Variants in SLC25A53 observed in about 807,000 individuals in gnomAD.
SLC25A53 encodes the protein mitochondrial carrier triple repeat protein 6.
SLC25A53 carries 5 observed loss-of-function variants against 15.0 expected under a neutral mutation model. The observed-to-expected ratio is 0.33, with a 90% CI of 0.17 to 0.70. The LOEUF (loss-of-function observed/expected upper bound fraction) is 0.70, where lower values mean the gene tolerates loss of function less well. SLC25A53 is among the 30% of genes least tolerant of loss of function. The pLI is 0.67. For missense variants in SLC25A53, 216 were observed against 241.6 expected, an observed-to-expected ratio of 0.89 and a Z score of 0.70; for synonymous variants, 95 against 100.0, an observed-to-expected ratio of 0.95 and a Z score of 0.30.
intron 1 of SLC25A53, among the ~76,000 whole-genome samples, chrX:104,122,311 T>G (rs1278519857): frequency 2.5e-5 from 2 of 79,886 alleles, no homozygotes; most frequent in Non-Finnish European, 5.3e-5. Context: ...TTTGTTTTTT[T>G]TTTTTGTTTT....
At chrX:104,153,260 ATAT>A (rs1262023840) in intron 1 of SLC25A53, among the ~76,000 whole-genome samples, 22 of 49,290 alleles carry the variant, frequency 4.5e-4, no homozygotes, top group African/African-American at 2.0e-3. Flanking sequence ...ATATATATAT[ATAT>A]TTTTTTTTTC....
rs2075283062 is a variant in SLC25A53, at chrX:104,102,015, G to A, written c.*2319C>T. ...TTTCCTTTCCTTATGCAGACTCTGTGTTCATACTTCCTTGAATCCACAAGT... is the reference window on the plus strand; with the variant it reads ...TTTCCTTTCCTTATGCAGACTCTGTATTCATACTTCCTTGAATCCACAAGT... On this transcript the variant is annotated 3_prime_UTR_variant, in exon 2 of 2. Transcript: ENST00000594199. 8.9e-6 allele frequency: 1 copy of A among 112,023 alleles called. No individual in the cohort carries two copies. The highest frequency in any genetic ancestry group is 3.2e-5 in the African/African-American group (1 of 30,778). The allele number at this position is 112,023 out of a possible 1,213,427, so 9.2% of individuals were successfully genotyped here. A position where few individuals can be genotyped will look rare whatever the true frequency, so the allele number is the denominator to read the frequency against.
chrX:104,118,561 A>G (rs2075384664), intron 1 of SLC25A53, among the ~76,000 whole-genome samples: 1 of 113,170 alleles, frequency 8.8e-6, no homozygotes, highest in South Asian at 3.6e-4. Context: ...CTCCCTTAAG[A>G]TAAGCATGAC....
chrX:104,128,504 G>T (rs1450991075), intron 1 of SLC25A53, among the ~76,000 whole-genome samples: 3 of 111,312 alleles, frequency 2.7e-5, no homozygotes, highest in Non-Finnish European at 3.8e-5. Flanking sequence ...TCCCATATTT[G>T]CTTCTGCATT....
chrX:104,119,872 A>T (rs946402572), intron 1 of SLC25A53, among the ~76,000 whole-genome samples: 6 of 111,856 alleles, frequency 5.4e-5, no homozygotes, highest in African/African-American at 1.6e-4. Context: ...CTCTCATGAC[A>T]GTTTTAGCTG....
Position 104,104,868 on chromosome X carries a change from C to T in SLC25A53, c.390G>A (p.Val130=). The change falls in exon 2 of 2, where the codon GTG becomes GTA. Residue 130 remains valine, a synonymous_variant. Transcript: ENST00000594199. ...AGLMSGVVEA[V]ALSPFERVQN... ...GCACCCTTTCAAAGGGGCTGAGTGC[C>T]ACGGCCTCCACCACGCCAGACATGA... The T allele has an allele frequency of 9.9e-6, 12 of 1,211,817 alleles. No homozygotes were observed. The highest frequency in any genetic ancestry group is 1.3e-5 in the Non-Finnish European group (12 of 895,570).
chrX:104,149,989 T>C (rs2075480115), intron 1 of SLC25A53, among the ~76,000 whole-genome samples: 1 of 110,635 alleles, frequency 9.0e-6, no homozygotes, highest in Non-Finnish European at 1.9e-5. Flanking sequence ...TCTCAATACT[T>C]TGGGAGTCCG....
intron 1 of SLC25A53, among the ~76,000 whole-genome samples, chrX:104,153,190 AG>A (rs1174403061): frequency 9.0e-6 from 1 of 111,225 alleles, no homozygotes; most frequent in African/African-American, 3.3e-5. Context: ...ATCCATCGTT[AG>A]GCAATTTCAT....
chrX:104,123,948 T>C (rs182797082), intron 1 of SLC25A53, among the ~76,000 whole-genome samples: 20 of 112,058 alleles, frequency 1.8e-4, no homozygotes, highest in African/African-American at 6.5e-4. Flanking sequence ...ACATTTTCTT[T>C]ATCCAGTCTA....
intron 1 of SLC25A53, among the ~76,000 whole-genome samples, chrX:104,145,449 TAACTA>T (rs1328852419): frequency 9.1e-6 from 1 of 109,309 alleles, no homozygotes; most frequent in Non-Finnish European, 1.9e-5. Flanking sequence ...AGACAAGAAA[TAACTA>T]AGATCAGAGC....
At chrX:104,127,398 G>A (rs1556364666) in intron 1 of SLC25A53, among the ~76,000 whole-genome samples, 3 of 111,776 alleles carry the variant, frequency 2.7e-5, no homozygotes, top group Non-Finnish European at 5.6e-5. Context: ...CTATTGAACA[G>A]TTTTATATCA....
intron 1 of SLC25A53, among the ~76,000 whole-genome samples, chrX:104,127,704 C>A (rs782587429): frequency 8.9e-6 from 1 of 112,114 alleles, no homozygotes; most frequent in South Asian, 3.7e-4. Flanking sequence ...TGGCTCACGC[C>A]TGTAATCCCA....
At chrX:104,121,484 G>A (rs1172530910) in intron 1 of SLC25A53, among the ~76,000 whole-genome samples, 1 of 111,126 alleles carries the variant, frequency 9.0e-6, no homozygotes, top group Non-Finnish European at 1.9e-5. Flanking sequence ...ACAGGAACCA[G>A]AGCAGAAAGA....
At position 104,103,467 on chromosome X, in the gene SLC25A53, T is replaced by C. The variant is rs1556353689; in HGVS notation, c.*867A>G. On this transcript the variant is annotated 3_prime_UTR_variant, in exon 2 of 2. Coordinates refer to ENST00000594199, the MANE Select transcript of SLC25A53 (RefSeq NM_001012755.5). The stretch of plus-strand genomic sequence containing the variant: ...GCTCTGAATGACAGGCTAAGATTTC[T>C]GATCTTTATGTCATAGTAACTACAT... The C allele has an allele frequency of 1.8e-5, 2 of 111,847 alleles. No individual in the cohort carries two copies. The highest frequency in any genetic ancestry group is 3.3e-5 in the African/African-American group (1 of 30,720). 9.2% of individuals were successfully genotyped at this position (111,847 alleles called of 1,213,427 possible). A position where few individuals can be genotyped will look rare whatever the true frequency, so the allele number is the denominator to read the frequency against.
At chrX:104,128,602 T>A (rs145795643) in intron 1 of SLC25A53, among the ~76,000 whole-genome samples, 131 of 111,603 alleles carry the variant, frequency 1.2e-3, no homozygotes, top group Non-Finnish European at 9.4e-4. Context: ...GATTTCCCAG[T>A]CACCTGAAAG....
At position 104,100,307 on chromosome X, in the gene SLC25A53, T is replaced by C; in HGVS notation, c.*4027A>G. ...TATTGTGTTGTATGATGGCTTTTTA[T>C]TCTTTTTTTTGACTTTTTATACCAA... On this transcript the variant is annotated 3_prime_UTR_variant, in exon 2 of 2. Coordinates refer to ENST00000594199, the MANE Select transcript of SLC25A53 (RefSeq NM_001012755.5). The C allele has an allele frequency of 8.9e-6, 1 of 111,862 alleles. No homozygotes were observed. Among genetic ancestry groups the C allele is most frequent in the Non-Finnish European group, 1.9e-5 (1 of 53,183 alleles). 9.2% of individuals were successfully genotyped at this position (111,862 alleles called of 1,213,427 possible).
intron 1 of SLC25A53, among the ~76,000 whole-genome samples, chrX:104,155,946 G>A (rs782302891): frequency 1.8e-5 from 2 of 108,664 alleles, no homozygotes; most frequent in South Asian, 8.1e-4. Flanking sequence ...CAGCAACCCG[G>A]GAGGCTGAGG....
chrX:104,114,732 C>G (rs139527148), intron 1 of SLC25A53: 41,501 of 1,209,860 alleles, frequency 0.034, 599 homozygotes, highest in Non-Finnish European at 0.04. Context: ...AGCGGCTTCC[C>G]AATTTCCTGG....
chrX:104,104,494 G>C lies in SLC25A53; in HGVS notation c.764C>G (p.Ala255Gly), dbSNP rs1556354639. Residue 255 changes from alanine to glycine, a missense_variant, in exon 2 of 2, where the codon GCC becomes GGC. Transcript: ENST00000594199. ...GCCCCGAGTGTTCCATACATCCTGG[G>C]CAGAGGCCCACAGGCTTGGCATGTT... Reference protein sequence around the residue: ...WQNMPSLWASAQDVWNTRGRK... With the variant: ...WQNMPSLWASGQDVWNTRGRK... The C allele has an allele frequency of 2.5e-6, 3 of 1,211,962 alleles. No individual in the cohort carries two copies. The South Asian group carries it at 5.3e-5, about 21-fold the overall frequency.
Sources: gnomAD v4.1 joint callset for allele counts (sites outside exome capture counted in the v4.1 genomes callset) on GRCh38, gnomAD v4.1.1 for gene constraint, MANE v1.5 for transcripts, NCBI Gene and HGNC (gene_info 2026-07-23, HGNC 2026-07-21) for gene names.